Variants in B4GALT5 observed in about 807,000 individuals in gnomAD.
B4GALT5 encodes beta-1,4-galactosyltransferase 5.
A neutral mutation model predicts 45.0 loss-of-function variants in B4GALT5; 11 were observed. The observed-to-expected ratio is 0.24, with a 90% CI of 0.15 to 0.40. The LOEUF is 0.40. B4GALT5 is among the 10% of genes least tolerant of loss of function. The pLI is 1.00. For missense variants in B4GALT5, 337 were observed against 500.2 expected (o/e 0.67, Z 3.11); for synonymous variants, 185 against 182.9 (o/e 1.01, Z -0.09).
At chr20:49,637,631 T>C (rs2122990950) in intron 7 of B4GALT5, among the ~76,000 whole-genome samples, 189 bp from the exon 8 acceptor site, 1 of 152,216 alleles carries the variant, frequency 6.6e-6, no homozygotes, top group Non-Finnish European at 1.5e-5. Context: ...AATTAAAGTT[T>C]TTATGTGAAC....
intron 1 of B4GALT5, among the ~76,000 whole-genome samples, chr20:49,683,495 G>A (rs1009604764): frequency 1.3e-5 from 2 of 148,612 alleles, no homozygotes; most frequent in Non-Finnish European, 3.0e-5. Context: ...CTGGGTTCAA[G>A]CGATTCTCAT....
At chr20:49,710,489 G>A (rs896840749) in intron 1 of B4GALT5, among the ~76,000 whole-genome samples, 18 of 147,456 alleles carry the variant, frequency 1.2e-4, no homozygotes, top group African/African-American at 2.0e-4. Context: ...GCGCAATCTC[G>A]GCTCACAGCA....
intron 1 of B4GALT5, among the ~76,000 whole-genome samples, chr20:49,704,127 C>T (rs1015806492): frequency 2.6e-5 from 4 of 152,186 alleles, no homozygotes; most frequent in Non-Finnish European, 2.9e-5. Context: ...CAAATACACA[C>T]ATCCTGATCA....
In B4GALT5 at chr20:49,699,145, T is replaced by A. The variant is rs142519262; in HGVS notation, c.115+14431A>T. On this transcript the variant is annotated intron_variant, in intron 1 of 8. Transcript: ENST00000371711. ...ATAGCAACATATAAGAATTACTGTA[T>A]CTACCACACTTAGAATGTACTGGGG... is the stretch of plus-strand genomic sequence containing the variant. Among the ~76,000 whole-genome samples, 32 of 152,198 alleles carry A rather than the reference T, an allele frequency of 2.1e-4. No individual in the cohort carries two copies. In the East Asian group the frequency reaches 4.3e-3, roughly 20 times the overall value.
At chr20:49,653,536 A>C (rs1289179090) in intron 2 of B4GALT5, among the ~76,000 whole-genome samples, 1 of 152,276 alleles carries the variant, frequency 6.6e-6, no homozygotes, top group Non-Finnish European at 1.5e-5. Context: ...GATTCAGGGC[A>C]CAGGCCCTGG....
intron 2 of B4GALT5, among the ~76,000 whole-genome samples, chr20:49,653,390 C>A (rs776106870): frequency 3.9e-5 from 6 of 152,236 alleles, no homozygotes; most frequent in Admixed American, 2.0e-4. Context: ...CATGCTACAA[C>A]ACTTAAGACG....
chr20:49,703,060 G>A (rs2085869221), intron 1 of B4GALT5, among the ~76,000 whole-genome samples: 1 of 150,188 alleles, frequency 6.7e-6, no homozygotes. Flanking sequence ...TGTAGTCCCA[G>A]CTACTCGACA....
chr20:49,676,865 C>T (rs1005266158), intron 1 of B4GALT5, among the ~76,000 whole-genome samples: 1 of 152,252 alleles, frequency 6.6e-6, no homozygotes, highest in Non-Finnish European at 1.5e-5. Flanking sequence ...ATGACTAGCA[C>T]TGCTGTTTTT....
chr20:49,707,817 T>C (rs1477368218), intron 1 of B4GALT5, among the ~76,000 whole-genome samples: 1 of 152,078 alleles, frequency 6.6e-6, no homozygotes, highest in Non-Finnish European at 1.5e-5. Context: ...TTTCACTATG[T>C]TGCCCAGGAT....
chr20:49,663,496 A>G (rs1312746350), intron 1 of B4GALT5, among the ~76,000 whole-genome samples: 1 of 151,068 alleles, frequency 6.6e-6, no homozygotes, highest in African/African-American at 2.4e-5. Context: ...ATGAAGGGGT[A>G]GGACTGAGGC....
intron 1 of B4GALT5, among the ~76,000 whole-genome samples, chr20:49,691,004 A>G (rs1288677274): frequency 6.6e-6 from 1 of 152,222 alleles, no homozygotes; most frequent in East Asian, 1.9e-4. Flanking sequence ...AATTTAACGT[A>G]AATTAGCAGA....
At chr20:49,712,892 T>C (rs1291378321) in intron 1 of B4GALT5, among the ~76,000 whole-genome samples, 2 of 132,050 alleles carry the variant, frequency 1.5e-5, no homozygotes, top group Admixed American at 1.5e-4. Context: ...TAGCAGGAGA[T>C]TGAATGGGGG....
intron 2 of B4GALT5, among the ~76,000 whole-genome samples, chr20:49,652,722 CA>C (rs2085627421): frequency 6.6e-6 from 1 of 152,330 alleles, no homozygotes; most frequent in African/African-American, 2.4e-5. Flanking sequence ...AGTCTGTTTT[CA>C]TTCACTAATC....
chr20:49,684,030 A>T (rs1245176487), intron 1 of B4GALT5, among the ~76,000 whole-genome samples: 2 of 151,820 alleles, frequency 1.3e-5, no homozygotes, highest in East Asian at 3.9e-4. Flanking sequence ...AATCTCAGCT[A>T]CTTGGAAGGC....
intron 1 of B4GALT5, among the ~76,000 whole-genome samples, chr20:49,664,421 T>TACACACACACACACACAC (rs55990435): frequency 4.7e-5 from 6 of 128,822 alleles, no homozygotes; most frequent in East Asian, 2.3e-4. Flanking sequence ...GGTCTCCAAA[T>TACACACACACACACACAC]ACACACACAC....
chr20:49,637,392 T>C lies in B4GALT5; in HGVS notation c.968A>G (p.Lys323Arg). Residue 323 changes from lysine (K) to arginine (R), a missense_variant, in exon 8 of 9, where the codon AAG becomes AGG. This residue lies in a region of B4GALT5 where 163 missense variants were observed against 292.8 expected (regional missense o/e 0.56). Coordinates refer to ENST00000371711, the MANE Select transcript of B4GALT5 (RefSeq NM_004776.4). Reference sequence around the variant, plus strand: ...ATGGTGATGAGGAATGGACTTGTACTTTCCTGTGTCACCCTCTGGCCGGCT... The same window carrying C: ...ATGGTGATGAGGAATGGACTTGTACCTTCCTGTGTCACCCTCTGGCCGGCT... ...SVSRPEGDTG[K>R]YKSIPHHHRG... The C allele has an allele frequency of 2.5e-6, 4 of 1,614,196 alleles. No homozygotes were observed. The highest frequency in any genetic ancestry group is 3.4e-6 in the Non-Finnish European group (4 of 1,180,018).
chr20:49,641,928 G>T (rs1445152134), intron 5 of B4GALT5, among the ~76,000 whole-genome samples: 1 of 151,468 alleles, frequency 6.6e-6, no homozygotes. Flanking sequence ...TAAAATATAT[G>T]CAGGACCAAA....
At chr20:49,672,280 C>T (rs371256775) in intron 1 of B4GALT5, among the ~76,000 whole-genome samples, 2 of 152,310 alleles carry the variant, frequency 1.3e-5, no homozygotes, top group Middle Eastern at 3.4e-3. Flanking sequence ...AGGCAGCATT[C>T]CAACTGGTAT....
chr20:49,713,743 C>T lies in B4GALT5; in HGVS notation c.-53G>A, dbSNP rs2085932384. ...CAGGCCGGGCCTGCTCCCGCAGCTC[C>T]CCGTCCGCCGCCTCCTGGGCCGCCG... On this transcript the variant is annotated 5_prime_UTR_variant, in exon 1 of 9. Coordinates refer to ENST00000371711, the MANE Select transcript of B4GALT5 (RefSeq NM_004776.4). 12 of 662,302 alleles carry T rather than the reference C, an allele frequency of 1.8e-5. No individual in the cohort carries two copies. Among genetic ancestry groups the T allele is most frequent in the Non-Finnish European group, 2.5e-5 (12 of 483,138 alleles). The allele number at this position is 662,302 out of a possible 1,614,324, so 41.0% of individuals were successfully genotyped here. A position where few individuals can be genotyped will look rare whatever the true frequency, so the allele number is the denominator to read the frequency against.
Sources: gnomAD v4.1 joint callset for allele counts (sites outside exome capture counted in the v4.1 genomes callset) on GRCh38, gnomAD v4.1.1 for gene constraint, gnomAD v4.1.1 regional missense constraint, MANE v1.5 for transcripts, NCBI Gene and HGNC (gene_info 2026-07-23, HGNC 2026-07-21) for gene names.